The following ASCC3 variants were observed in gnomAD, a reference collection of about 807,000 sequenced individuals.
ASCC3 encodes activating signal cointegrator 1 complex subunit 3, also known as ASC-1 complex subunit P200.
In ASCC3, 158 loss-of-function variants were observed where a neutral mutation model predicts 256.3. That is an observed-to-expected ratio of 0.62 (90% confidence interval 0.54 to 0.70). The LOEUF (loss-of-function observed/expected upper bound fraction) is 0.70. Ranked by LOEUF, ASCC3 falls within the 30% of genes least tolerant of loss-of-function variation. ASCC3 has a pLI of 0.00. For missense variants in ASCC3, 2,259 were observed against 2,626.0 expected, an observed-to-expected ratio of 0.86 and a Z score of 3.05; for synonymous variants, 948 against 883.4, an observed-to-expected ratio of 1.07 and a Z score of -1.30.
At chr6:100,852,298 T>A (rs1772720202) in intron 3 of ASCC3, among the ~76,000 whole-genome samples, 1 of 152,102 alleles carries the variant, frequency 6.6e-6, no homozygotes, top group Admixed American at 6.5e-5. Context: ...TAAGCGAACC[T>A]CTATTAGCCG....
intron 13 of ASCC3, among the ~76,000 whole-genome samples, chr6:100,697,641 G>A (rs1311276797): frequency 1.3e-5 from 2 of 151,540 alleles, no homozygotes; most frequent in Admixed American, 6.6e-5. Flanking sequence ...TGATATTTTG[G>A]GTAAAACTTA....
At chr6:100,671,634 G>T (rs962834156) in intron 14 of ASCC3, among the ~76,000 whole-genome samples, 5 of 151,952 alleles carry the variant, frequency 3.3e-5, no homozygotes, top group African/African-American at 1.2e-4. Flanking sequence ...AAACTCAAAC[G>T]GAATGGGCAA....
intron 34 of ASCC3, among the ~76,000 whole-genome samples, chr6:100,594,074 G>GGT (rs1253753184): frequency 2.0e-5 from 3 of 152,154 alleles, no homozygotes; most frequent in African/African-American, 4.8e-5. Context: ...CAGGAACAGT[G>GGT]GTTGAAATCT....
intron 13 of ASCC3, among the ~76,000 whole-genome samples, chr6:100,681,905 T>C (rs562901339): frequency 6.6e-6 from 1 of 152,076 alleles, no homozygotes; most frequent in Non-Finnish European, 1.5e-5. Flanking sequence ...CTTTACTTCA[T>C]AGGATGTTAA....
intron 8 of ASCC3, among the ~76,000 whole-genome samples, chr6:100,772,483 G>A (rs1015777856): frequency 1.3e-5 from 2 of 152,138 alleles, no homozygotes; most frequent in Non-Finnish European, 2.9e-5. Flanking sequence ...CATTAAAAAA[G>A]AATTAATTAT....
intron 37 of ASCC3, among the ~76,000 whole-genome samples, chr6:100,539,150 T>C (rs1775313626): frequency 6.6e-6 from 1 of 152,114 alleles, no homozygotes. Context: ...ACCTCACCCA[T>C]ACTAACCTGC....
chr6:100,581,210 T>C (rs1251260356), intron 36 of ASCC3, among the ~76,000 whole-genome samples: 4 of 152,202 alleles, frequency 2.6e-5, no homozygotes, highest in Non-Finnish European at 5.9e-5. Context: ...AGTGTAAAAG[T>C]GTTCCTATAT....
intron 3 of ASCC3, among the ~76,000 whole-genome samples, chr6:100,855,171 T>C (rs1350351926): frequency 6.6e-6 from 1 of 151,970 alleles, no homozygotes; most frequent in African/African-American, 2.4e-5. Context: ...TGGAGTGCAG[T>C]GGCACAATCT....
chr6:100,668,830 A>T (rs1776602822), intron 14 of ASCC3, among the ~76,000 whole-genome samples: 1 of 151,902 alleles, frequency 6.6e-6, no homozygotes, highest in Non-Finnish European at 1.5e-5. Context: ...TTGAATTTTG[A>T]CAAAAGGCTA....
chr6:100,603,030 T>C (rs935916538), intron 33 of ASCC3, among the ~76,000 whole-genome samples: 7 of 152,052 alleles, frequency 4.6e-5, no homozygotes, highest in African/African-American at 1.7e-4. Flanking sequence ...GAACAATCAC[T>C]ATGAACCAGC....
intron 36 of ASCC3, among the ~76,000 whole-genome samples, chr6:100,581,237 G>A (rs1414817518): frequency 6.6e-6 from 1 of 152,158 alleles, no homozygotes; most frequent in Admixed American, 6.5e-5. Context: ...ATGTTCTCCA[G>A]CACCTGTTGT....
intron 1 of ASCC3, among the ~76,000 whole-genome samples, chr6:100,870,636 C>T (rs548888330): frequency 2.6e-4 from 39 of 152,274 alleles, no homozygotes; most frequent in Non-Finnish European, 4.7e-4. Flanking sequence ...GTTGGACTCT[C>T]TACATCACAT....
chr6:100,647,232 C>T lies in ASCC3; in HGVS notation c.3472G>A (p.Glu1158Lys), dbSNP rs1169611923. The T allele has an allele frequency of 6.2e-7, 1 of 1,606,930 alleles. No homozygotes were observed. Among genetic ancestry groups the T allele is most frequent in the African/African-American group, 1.3e-5 (1 of 74,844 alleles). The change falls in exon 21 of 42, where the codon GAA (glutamate) becomes AAA (lysine). Residue 1158 changes from glutamate to lysine, a missense_variant. Around this residue, in one of 2 missense-constraint regions of ASCC3, gnomAD observed 1,839 missense variants for 2,206.7 expected, o/e 0.83. Coordinates refer to ENST00000369162, the MANE Select transcript of ASCC3 (RefSeq NM_006828.4). ...ATATTTGCTTCCTTCTTACCTATTT[C>T]ATCTTTCCTCATGTCTTTCAGCTTA... Reference protein sequence around the residue: ...VDKLKDMRKDEIGHILHHVNI... With the variant: ...VDKLKDMRKDKIGHILHHVNI...
intron 1 of ASCC3, 124 bp from the exon 2 acceptor site, chr6:100,868,162 T>A (rs768482890): frequency 1.4e-5 from 9 of 625,988 alleles, no homozygotes; most frequent in Non-Finnish European, 2.3e-5. Context: ...GTTATCAACG[T>A]TGAAAAATTC....
Position 100,762,922 on chromosome 6 carries a change from C to T in ASCC3, c.1737+3643G>A, listed in dbSNP as rs144396641. 1.7e-3 allele frequency among the ~76,000 whole-genome samples: 258 copies of T among 151,870 alleles called. 9 individuals carry two copies. In the East Asian group the frequency reaches 0.045, roughly 26 times the overall value. ...TATATTTAAAAAAAGATTAACAATA[C>T]GGAGAAAGTTAGAAAAAATCACAAG... On this transcript the variant is annotated intron_variant, in intron 10 of 41. Transcript: ENST00000369162.
intron 13 of ASCC3, among the ~76,000 whole-genome samples, chr6:100,681,743 A>AAAAAG (rs1562222414): frequency 2.7e-5 from 4 of 150,930 alleles, no homozygotes; most frequent in East Asian, 1.9e-4. Context: ...AAAAAAAAAA[A>AAAAAG]AAAAGAAAAG....
chr6:100,625,437 AT>A, intron 29 of ASCC3, 103 bp from the exon 30 acceptor site: 1 of 1,345,810 alleles, frequency 7.4e-7, no homozygotes, highest in Non-Finnish European at 1.1e-6. Context: ...GATGTAAACA[AT>A]TTAGGCATGA....
At chr6:100,576,934 A>G (rs1211816015) in intron 36 of ASCC3, among the ~76,000 whole-genome samples, 1 of 151,490 alleles carries the variant, frequency 6.6e-6, no homozygotes, top group Non-Finnish European at 1.5e-5. Context: ...GTGGAAGTGT[A>G]TTTTCCTTCT....
intron 13 of ASCC3, among the ~76,000 whole-genome samples, chr6:100,708,597 G>A (rs1036000600): frequency 7.2e-5 from 11 of 152,106 alleles, no homozygotes; most frequent in Admixed American, 2.6e-4. Context: ...TATTTGGAGC[G>A]GGGAGAGCCA....
Sources: allele counts gnomAD v4.1 joint callset (sites outside exome capture counted in the v4.1 genomes callset), GRCh38; gene constraint gnomAD v4.1.1; regional missense constraint gnomAD v4.1.1; transcripts MANE v1.5; gene names NCBI Gene and HGNC (gene_info 2026-07-23, HGNC 2026-07-21).